PARP12: variants seen among roughly 807,000 people sequenced by gnomAD.
The protein encoded by PARP12 is protein mono-ADP-ribosyltransferase PARP12.
PARP12 carries 59 observed loss-of-function variants against 72.4 expected under a neutral mutation model. That is an observed-to-expected ratio of 0.81 (90% confidence interval 0.66 to 1.01). The LOEUF is 1.01. Ranked by LOEUF, PARP12 falls within the 50% of genes least tolerant of loss-of-function variation. The pLI is 0.00. For missense variants in PARP12, 851 were observed against 914.0 expected (o/e 0.93, Z 0.89); for synonymous variants, 403 against 371.4 (o/e 1.09, Z -0.98).
chr7:140,035,741 T>G (rs1816122518), intron 7 of PARP12, among the ~76,000 whole-genome samples: 1 of 152,186 alleles, frequency 6.6e-6, no homozygotes, highest in Non-Finnish European at 1.5e-5. Flanking sequence ...TGTGGCAGTT[T>G]GCTTTGAGAC....
At chr7:140,035,878 GGAGGAAGAGGAA>G (rs1288519331) in intron 7 of PARP12, among the ~76,000 whole-genome samples, 1 of 145,290 alleles carries the variant, frequency 6.9e-6, no homozygotes, top group African/African-American at 2.6e-5. Context: ...AGGAAGAGGA[GGAGGAAGAGGAA>G]GAGGAGGAGG....
chr7:140,042,873 G>A (rs1483399951), intron 5 of PARP12, among the ~76,000 whole-genome samples: 2 of 152,152 alleles, frequency 1.3e-5, no homozygotes, highest in Non-Finnish European at 2.9e-5. Flanking sequence ...CATCCCCTCT[G>A]GAGAAATTCA....
chr7:140,038,792 G>T (rs1322189367), intron 6 of PARP12, among the ~76,000 whole-genome samples: 1 of 152,144 alleles, frequency 6.6e-6, no homozygotes, highest in East Asian at 1.9e-4. Flanking sequence ...AGCTTTAGGT[G>T]TTACTAACAG....
At chr7:140,032,008 C>T (rs767059381) in intron 8 of PARP12, among the ~76,000 whole-genome samples, 1 of 152,050 alleles carries the variant, frequency 6.6e-6, no homozygotes, top group African/African-American at 2.4e-5. Flanking sequence ...CGAGGGCCAA[C>T]CTCCCTAATA....
rs926198273 is a variant in PARP12 at position 140,054,908 on chromosome 7, A to G, written c.761-145T>C. On this transcript the variant is annotated intron_variant, in intron 3 of 11. Coordinates refer to ENST00000263549, the MANE Select transcript of PARP12 (RefSeq NM_022750.4). Reference sequence around the variant, plus strand: ...GTGTTTGGGGTGAAAGTGCTCCTACACAGGTGGATCCTCTACTTTTTAGTG... The same window carrying G: ...GTGTTTGGGGTGAAAGTGCTCCTACGCAGGTGGATCCTCTACTTTTTAGTG... 6.1e-6 allele frequency: 4 copies of G among 650,866 alleles called. No individual in the cohort carries two copies. The Admixed American group carries it at 7.7e-5, about 13-fold the overall frequency. The allele number at this position is 650,866 out of a possible 1,614,324, so 40.3% of individuals were successfully genotyped here. A position where few individuals can be genotyped will look rare whatever the true frequency, so the allele number is the denominator to read the frequency against.
intron 6 of PARP12, among the ~76,000 whole-genome samples, chr7:140,039,054 C>CAAA (rs1816342602): frequency 6.6e-6 from 1 of 152,102 alleles, no homozygotes; most frequent in Non-Finnish European, 1.5e-5. Flanking sequence ...ATGAGTTGGC[C>CAAA]CCATGAGGAC....
intron 8 of PARP12, among the ~76,000 whole-genome samples, chr7:140,032,846 A>G (rs1815993597): frequency 6.6e-6 from 1 of 152,250 alleles, no homozygotes. Flanking sequence ...CAGTGGGAAC[A>G]GGGTAGAGAT....
chr7:140,042,450 G>A (rs927877189), intron 5 of PARP12, among the ~76,000 whole-genome samples: 3 of 152,224 alleles, frequency 2.0e-5, no homozygotes, highest in African/African-American at 7.2e-5. Context: ...ACCAAAGGAA[G>A]GTACGAAACT....
chr7:140,030,631 G>A (rs1004057809), intron 8 of PARP12, among the ~76,000 whole-genome samples: 12 of 139,210 alleles, frequency 8.6e-5, no homozygotes, highest in African/African-American at 3.3e-4. Context: ...ACATACATAC[G>A]TACATACATA....
intron 8 of PARP12, chr7:140,029,204 T>C (rs2116519481): frequency 6.5e-6 from 1 of 153,412 alleles, no homozygotes; most frequent in Admixed American, 6.5e-5. Context: ...GCCACTGTGA[T>C]CTGTATCTAT....
At chr7:140,052,732 T>TTGTG (rs9340762) in intron 4 of PARP12, among the ~76,000 whole-genome samples, 40,320 of 145,586 alleles carry the variant, frequency 0.28, 5,586 homozygotes, top group East Asian at 0.37. Context: ...AAGACCCCTT[T>TTGTG]TGTGTGTGTG....
chr7:140,062,597 C>G lies in PARP12; in HGVS notation c.251G>C (p.Gly84Ala), dbSNP rs1419655748. The G allele has an allele frequency of 6.6e-7, 1 of 1,526,316 alleles. No individual in the cohort carries two copies. The highest frequency in any genetic ancestry group is 1.4e-5 in the African/African-American group (1 of 70,430). 94.5% of individuals were successfully genotyped at this position (1,526,316 alleles called of 1,614,324 possible). Residue 84 changes from glycine (G) to alanine (A), a missense_variant, in exon 1 of 12, where the codon GGC (glycine) becomes GCC (alanine). Gly to Ala is a moderately conservative substitution (Grantham distance 60). Coordinates refer to ENST00000263549, the MANE Select transcript of PARP12 (RefSeq NM_022750.4). ...GAGCTGCGCGCAGAGCCCCACGCAG[C>G]CCGGCTTGGAGCCCTGGTGCGCGCG... ...LCRAHQGSKP[G>A]CVGLCAQLHL... is the part of the protein sequence containing the mutation.
rs760666332 is a variant in PARP12, at chr7:140,057,118, G to A, written c.498C>T (p.His166=). 54 of 1,613,894 alleles carry A rather than the reference G, an allele frequency of 3.3e-5. No individual in the cohort carries two copies. Among genetic ancestry groups the A allele is most frequent in the East Asian group, 1.6e-4 (7 of 44,902 alleles). Residue 166 remains histidine (H), a synonymous_variant, in exon 3 of 12, where the codon CAC becomes CAT. Coordinates refer to ENST00000263549, the MANE Select transcript of PARP12 (RefSeq NM_022750.4). ...CQHYNKGDGP[H]GSCAFQKQCI... is the part of the protein sequence containing the mutation. ...ACTGCTTTTGAAAGGCACAAGAGCC[G>A]TGGGGTCCATCTCCTTTGTTGTAAT...
Position 140,024,744 on chromosome 7 carries a change from T to C in PARP12, c.1922A>G (p.Glu641Gly), listed in dbSNP as rs774770481. 1.2e-6 allele frequency: 2 copies of C among 1,614,158 alleles called. No individual in the cohort carries two copies. The highest frequency in any genetic ancestry group is 2.2e-5 in the South Asian group (2 of 91,080). Residue 641 changes from glutamate to glycine, a missense_variant, in exon 12 of 12, where the codon GAG (glutamate) becomes GGG (glycine). By Grantham distance (98) the Glu-to-Gly change is moderately conservative. Transcript: ENST00000263549. ...NASFVRPPAK[E>G]GWSNAFYDSC... ...ATCATAGAAGGCGTTGCTCCAGCCC[T>C]CCTTGGCCGGCGGACGGACAAAGGA...
intron 4 of PARP12, among the ~76,000 whole-genome samples, chr7:140,053,876 T>C (rs965938834): frequency 6.6e-6 from 1 of 152,164 alleles, no homozygotes; most frequent in Non-Finnish European, 1.5e-5. Flanking sequence ...TAAAAACATA[T>C]AAAACAAATA....
chr7:140,054,903 C>A, intron 3 of PARP12, 140 bp from the exon 4 acceptor site: 1 of 669,080 alleles, frequency 1.5e-6, no homozygotes, highest in South Asian at 1.9e-5. Context: ...TGAAAGTGCT[C>A]CTACACAGGT....
chr7:140,038,174 C>A, intron 6 of PARP12: 1 of 985,426 alleles, frequency 1.0e-6, no homozygotes, highest in Non-Finnish European at 1.2e-6. Flanking sequence ...CAAATGCCGG[C>A]AGAACAGCAA....
chr7:140,062,592 C>A lies in PARP12; in HGVS notation c.256G>T (p.Val86Leu). 2.0e-6 allele frequency: 3 copies of A among 1,531,032 alleles called. No homozygotes were observed. Among genetic ancestry groups the A allele is most frequent in the Non-Finnish European group, 1.7e-6 (2 of 1,143,532 alleles). 94.8% of individuals were successfully genotyped at this position (1,531,032 alleles called of 1,614,324 possible). Residue 86 changes from valine to leucine, a missense_variant, in exon 1 of 12, where the codon GTG (valine) becomes TTG (leucine). Val to Leu is a conservative substitution (Grantham distance 32, BLOSUM62 1). Coordinates refer to ENST00000263549, the MANE Select transcript of PARP12 (RefSeq NM_022750.4). Reference sequence around the variant, plus strand: ...AGGTGGAGCTGCGCGCAGAGCCCCACGCAGCCCGGCTTGGAGCCCTGGTGC... The same window carrying A: ...AGGTGGAGCTGCGCGCAGAGCCCCAAGCAGCCCGGCTTGGAGCCCTGGTGC... ...RAHQGSKPGC[V>L]GLCAQLHLCR...
chr7:140,024,450 C>T lies in PARP12; in HGVS notation c.*110G>A. 8.9e-7 allele frequency: 1 copy of T among 1,124,086 alleles called. No individual in the cohort carries two copies. Among genetic ancestry groups the T allele is most frequent in the Non-Finnish European group, 1.3e-6 (1 of 761,048 alleles). The allele number at this position is 1,124,086 out of a possible 1,614,324, so 69.6% of individuals were successfully genotyped here. Reference sequence around the variant, plus strand: ...TAAGAACATAACTTCATTGAGAGGTCAATGTTAAGAGAACAGTTCATTAAA... The same window carrying T: ...TAAGAACATAACTTCATTGAGAGGTTAATGTTAAGAGAACAGTTCATTAAA... On this transcript the variant is annotated 3_prime_UTR_variant, in exon 12 of 12. Transcript: ENST00000263549.
Sources: allele counts gnomAD v4.1 joint callset (sites outside exome capture counted in the v4.1 genomes callset), GRCh38; gene constraint gnomAD v4.1.1; transcripts MANE v1.5; gene names NCBI Gene and HGNC (gene_info 2026-07-23, HGNC 2026-07-21).